Variants in SKIC2 observed in about 807,000 individuals in gnomAD.
The protein encoded by SKIC2 is SKI2 subunit of superkiller complex, also known as superkiller complex protein 2.
At chr6:31,964,414 G>A in the SKIC2 span, 1 of 1,178,546 alleles carries the variant, frequency 8.5e-7, no homozygotes, top group East Asian at 2.5e-5. This position sits in a 1 kb window ranked among gnomAD's most constrained non-coding sequence, Gnocchi z 5.0. Context: ...GAGGGCAGAG[G>A]GGCAGAGGTT....
chr6:31,968,606 G>A, the SKIC2 span: 3 of 1,552,534 alleles, frequency 1.9e-6, no homozygotes, highest in African/African-American at 1.4e-5. This position sits in a 1 kb window ranked among gnomAD's most constrained non-coding sequence, Gnocchi z 6.1. Context: ...CCTGTAGACT[G>A]ACCGCCCCCA....
chr6:31,966,764 A>G, the SKIC2 span: 1 of 1,614,134 alleles, frequency 6.2e-7, no homozygotes, highest in Non-Finnish European at 8.5e-7. This position sits in a 1 kb window ranked among gnomAD's most constrained non-coding sequence, Gnocchi z 5.9. Context: ...ATGATCCTCA[A>G]CTTGCTGCGA....
At chr6:31,968,624 C>A in the SKIC2 span, 1 of 1,556,466 alleles carries the variant, frequency 6.4e-7, no homozygotes, top group Non-Finnish European at 8.9e-7. This position sits in a 1 kb window ranked among gnomAD's most constrained non-coding sequence, Gnocchi z 6.1. Context: ...CCATCTCAGC[C>A]CTTGTCCTCA....
chr6:31,966,590 A>G, the SKIC2 span: 1 of 1,039,742 alleles, frequency 9.6e-7, no homozygotes, highest in Non-Finnish European at 1.4e-6. The surrounding 1 kb of genome is among the most constrained non-coding windows in gnomAD (Gnocchi z 5.9). Context: ...TGGTTTGTCC[A>G]AGGCCCCATG....
At chr6:31,961,463 G>C in the SKIC2 span, 1 of 1,533,018 alleles carries the variant, frequency 6.5e-7, no homozygotes, top group Non-Finnish European at 8.8e-7. Context: ...GGTCTGAGGG[G>C]AAGAAAGGGA....
the SKIC2 span, chr6:31,961,115 G>A: frequency 3.7e-6 from 6 of 1,611,858 alleles, no homozygotes; most frequent in Admixed American, 6.7e-5. Flanking sequence ...GTTTTTGAGT[G>A]GGGTGTAGGA....
chr6:31,968,349 C>A, the SKIC2 span: 4 of 1,612,804 alleles, frequency 2.5e-6, no homozygotes, highest in Admixed American at 6.7e-5. The surrounding 1 kb of genome is among the most constrained non-coding windows in gnomAD (Gnocchi z 6.1). Context: ...CCCTTGCAGC[C>A]GTGACCACTG....
At chr6:31,966,930 GTGT>G in the SKIC2 span, 1 of 1,613,230 alleles carries the variant, frequency 6.2e-7, no homozygotes, top group Non-Finnish European at 8.5e-7. This position sits in a 1 kb window ranked among gnomAD's most constrained non-coding sequence, Gnocchi z 5.9. Flanking sequence ...AGAGGCCAGT[GTGT>G]TGAGGGTGGG....
At chr6:31,960,710 G>A in the SKIC2 span, 1 of 1,575,996 alleles carries the variant, frequency 6.3e-7, no homozygotes, top group Non-Finnish European at 8.6e-7. Flanking sequence ...CACACGGGAG[G>A]AGGCTGAGGA....
At chr6:31,966,734 A>C in the SKIC2 span, 3 of 1,614,124 alleles carry the variant, frequency 1.9e-6, no homozygotes, top group Non-Finnish European at 2.5e-6. The surrounding 1 kb of genome is among the most constrained non-coding windows in gnomAD (Gnocchi z 5.9). Flanking sequence ...CTGCAGTCCC[A>C]GTTCCGCCTC....
the SKIC2 span, chr6:31,962,724 T>A: frequency 6.2e-7 from 1 of 1,612,878 alleles, no homozygotes; most frequent in East Asian, 2.2e-5. The surrounding 1 kb of genome is among the most constrained non-coding windows in gnomAD (Gnocchi z 5.0). Flanking sequence ...CTCCATGCTG[T>A]ACAGTGGCTC....
the SKIC2 span, chr6:31,960,457 C>T: frequency 5.5e-5 from 88 of 1,614,054 alleles, no homozygotes; most frequent in Non-Finnish European, 6.6e-5. Flanking sequence ...ACAAATCTCT[C>T]GGCTACAACC....
the SKIC2 span, chr6:31,968,874 C>T: frequency 6.2e-7 from 1 of 1,612,498 alleles, no homozygotes; most frequent in Non-Finnish European, 8.5e-7. The surrounding 1 kb of genome is among the most constrained non-coding windows in gnomAD (Gnocchi z 6.1). Flanking sequence ...CTTGCAGGTG[C>T]TCCGAACCCT....
At chr6:31,960,147 G>C in the SKIC2 span, 1 of 1,606,424 alleles carries the variant, frequency 6.2e-7, no homozygotes, top group Non-Finnish European at 8.5e-7. Flanking sequence ...GCTTAGACTA[G>C]GGTGATGGGT....
the SKIC2 span, among the ~76,000 whole-genome samples, chr6:31,964,523 C>T: frequency 2.6e-5 from 4 of 152,168 alleles, no homozygotes; most frequent in African/African-American, 9.7e-5. The surrounding 1 kb of genome is among the most constrained non-coding windows in gnomAD (Gnocchi z 5.0). Flanking sequence ...TCATCCTGGA[C>T]CAATTATTTA....
chr6:31,967,642 G>A, the SKIC2 span: 1 of 1,536,968 alleles, frequency 6.5e-7, no homozygotes, highest in Non-Finnish European at 8.9e-7. The surrounding 1 kb of genome is among the most constrained non-coding windows in gnomAD (Gnocchi z 4.9). Context: ...CTGCCCAAGG[G>A]TGGGTATCTG....
chr6:31,968,705 G>A, the SKIC2 span: 11 of 1,612,730 alleles, frequency 6.8e-6, no homozygotes, highest in Non-Finnish European at 7.6e-6. The surrounding 1 kb of genome is among the most constrained non-coding windows in gnomAD (Gnocchi z 6.1). Flanking sequence ...CTGCGGGAGC[G>A]AATGCAGATA....
the SKIC2 span, chr6:31,967,455 C>T: frequency 5.2e-6 from 6 of 1,146,400 alleles, no homozygotes; most frequent in Middle Eastern, 2.2e-4. The surrounding 1 kb of genome is among the most constrained non-coding windows in gnomAD (Gnocchi z 4.9). Context: ...TTGGCCAGGG[C>T]AGGTTGCGTC....
At chr6:31,963,796 C>G in the SKIC2 span, 3 of 1,496,420 alleles carry the variant, frequency 2.0e-6, no homozygotes, top group Non-Finnish European at 1.8e-6. The surrounding 1 kb of genome is among the most constrained non-coding windows in gnomAD (Gnocchi z 5.3). Flanking sequence ...TTTTTTTCCC[C>G]TTGTCCCCCA....
Sources: allele counts gnomAD v4.1 joint callset (sites outside exome capture counted in the v4.1 genomes callset), GRCh38; gene constraint gnomAD v4.1.1; non-coding constraint Gnocchi (gnomAD v3.1); transcripts MANE v1.5; gene names NCBI Gene and HGNC (gene_info 2026-07-23, HGNC 2026-07-21).